UST: variants seen among roughly 807,000 people sequenced by gnomAD.
UST encodes chondroitin sulfate 2-O-sulfotransferase.
UST carries 21 observed loss-of-function variants against 45.6 expected under a neutral mutation model. The observed-to-expected ratio is 0.46, with a 90% CI of 0.33 to 0.66. UST has a LOEUF of 0.66. Among genes scored for constraint, UST ranks in the 30% least tolerant of loss-of-function variants. The probability of loss-of-function intolerance (pLI) is 0.02; values close to 1 mark genes in which losing one functional copy is unlikely to be tolerated. For missense variants in UST, 463 were observed against 512.4 expected (o/e 0.90, Z 0.93); for synonymous variants, 215 against 200.6 (o/e 1.07, Z -0.61).
chr6:148,747,177 G>A lies in UST; in HGVS notation c.-254G>A, dbSNP rs1775879296. ...GGCGTGGGGACGCTAGCGGGCGCCG[G>A]ACGGGCGCGGCGCCCCGTCACGGGC... is the stretch of plus-strand genomic sequence containing the variant. On this transcript the variant is annotated 5_prime_UTR_variant, in exon 1 of 8. Coordinates refer to ENST00000367463, the MANE Select transcript of UST (RefSeq NM_005715.3). Among the ~76,000 whole-genome samples the A allele has an allele frequency of 6.7e-6, 1 of 149,306 alleles. No homozygotes were observed. Among genetic ancestry groups the A allele is most frequent in the African/African-American group, 2.4e-5 (1 of 41,106 alleles).
chr6:149,029,465 T>TTATA (rs531007096), intron 7 of UST, among the ~76,000 whole-genome samples: 20 of 145,148 alleles, frequency 1.4e-4, no homozygotes, highest in Non-Finnish European at 3.0e-4. Context: ...ACATTATATA[T>TTATA]TATATATATA....
intron 1 of UST, among the ~76,000 whole-genome samples, chr6:148,793,387 A>G (rs1210907818): frequency 6.6e-6 from 1 of 152,230 alleles, no homozygotes; most frequent in South Asian, 2.1e-4. Flanking sequence ...GTTCACCTAT[A>G]TAACCCAAAC....
intron 1 of UST, among the ~76,000 whole-genome samples, chr6:148,844,353 G>A (rs1362599383): frequency 6.6e-6 from 1 of 152,204 alleles, no homozygotes; most frequent in Non-Finnish European, 1.5e-5. Context: ...CTTACAGTTA[G>A]TGAATTTCAA....
chr6:149,012,413 C>G (rs975346544), intron 5 of UST, among the ~76,000 whole-genome samples: 6 of 152,192 alleles, frequency 3.9e-5, no homozygotes, highest in Non-Finnish European at 8.8e-5. Flanking sequence ...AACTTGTACT[C>G]TGATTACCGT....
At chr6:148,806,727 C>G (rs1777156914) in intron 1 of UST, among the ~76,000 whole-genome samples, 3 of 152,140 alleles carry the variant, frequency 2.0e-5, no homozygotes, top group Admixed American at 2.0e-4. Context: ...CTGGGAAGTC[C>G]GAGATTGTGG....
chr6:148,906,277 A>G (rs181275814), intron 2 of UST, among the ~76,000 whole-genome samples: 1 of 152,328 alleles, frequency 6.6e-6, no homozygotes, highest in African/African-American at 2.4e-5. Flanking sequence ...CCCCTTGGCC[A>G]AAAAGAATAT....
chr6:149,007,215 G>T (rs1775730699), intron 5 of UST, among the ~76,000 whole-genome samples: 1 of 143,162 alleles, frequency 7.0e-6, no homozygotes, highest in African/African-American at 2.6e-5. Flanking sequence ...CACCTCCCAG[G>T]TTCAAGCGAT....
chr6:149,025,184 G>GA, intron 7 of UST, among the ~76,000 whole-genome samples: 1 of 152,268 alleles, frequency 6.6e-6, no homozygotes, highest in South Asian at 2.1e-4. Flanking sequence ...TCACCATTTA[G>GA]ACAGGTTAAT....
intron 7 of UST, among the ~76,000 whole-genome samples, chr6:149,047,900 A>G (rs566519201): frequency 1.3e-5 from 2 of 152,238 alleles, no homozygotes; most frequent in African/African-American, 2.4e-5. Context: ...AAAATACTAG[A>G]AAGCTCTTGG....
intron 1 of UST, among the ~76,000 whole-genome samples, chr6:148,769,963 G>A (rs1776391409): frequency 6.6e-6 from 1 of 151,620 alleles, no homozygotes; most frequent in East Asian, 1.9e-4. Context: ...TTCTTTCAAA[G>A]GACTAGATAA....
intron 7 of UST, among the ~76,000 whole-genome samples, chr6:149,059,230 T>C (rs1412183800): frequency 6.6e-6 from 1 of 152,166 alleles, no homozygotes; most frequent in Non-Finnish European, 1.5e-5. Context: ...CATGTTCAAG[T>C]CTAGGCATTA....
chr6:148,869,992 C>G (rs1311861486), intron 1 of UST, among the ~76,000 whole-genome samples: 4 of 152,022 alleles, frequency 2.6e-5, no homozygotes, highest in Non-Finnish European at 5.9e-5. Context: ...GACCCATAAC[C>G]CAGCAAGAAT....
At chr6:148,802,000 G>T (rs1383972166) in intron 1 of UST, among the ~76,000 whole-genome samples, 1 of 152,202 alleles carries the variant, frequency 6.6e-6, no homozygotes, top group African/African-American at 2.4e-5. Flanking sequence ...TGTAAAGGGA[G>T]AGGGTGCATA....
chr6:148,781,683 C>T (rs1776646623), intron 1 of UST, among the ~76,000 whole-genome samples: 1 of 152,100 alleles, frequency 6.6e-6, no homozygotes, highest in Non-Finnish European at 1.5e-5. Context: ...AGAGGAGAAC[C>T]CGGTACCTGG....
At chr6:148,966,618 G>C (rs974415081) in intron 5 of UST, among the ~76,000 whole-genome samples, 16 of 152,196 alleles carry the variant, frequency 1.1e-4, no homozygotes, top group Admixed American at 4.6e-4. Context: ...TTGCCATCCT[G>C]TAAATCATTT....
chr6:149,062,432 T>A (rs1339831973), intron 7 of UST, among the ~76,000 whole-genome samples: 1 of 152,194 alleles, frequency 6.6e-6, no homozygotes, highest in African/African-American at 2.4e-5. Flanking sequence ...AACAAACATT[T>A]ATGGAGGGTG....
At chr6:148,794,013 A>G (rs1379448853) in intron 1 of UST, among the ~76,000 whole-genome samples, 3 of 152,166 alleles carry the variant, frequency 2.0e-5, no homozygotes, top group African/African-American at 4.8e-5. Flanking sequence ...ACTGATTTGT[A>G]TGGTATGTTT....
At chr6:148,971,570 A>G (rs1780920395) in intron 5 of UST, among the ~76,000 whole-genome samples, 1 of 152,162 alleles carries the variant, frequency 6.6e-6, no homozygotes, top group Non-Finnish European at 1.5e-5. Context: ...TGGTTGAGCT[A>G]TATCTGAAGG....
Position 148,796,623 on chromosome 6 carries a change from C to CAAAAA in UST, c.247+48966_247+48970dup, listed in dbSNP as rs11465084. On this transcript the variant is annotated intron_variant, in intron 1 of 7. Transcript: ENST00000367463. The stretch of plus-strand genomic sequence containing the variant: ...TGGACGACAGGGCAAGACTCTGTCT[C>CAAAAA]AAAAAAAAAAAAAAAAAAAAAAAAG... 7.7e-3 allele frequency among the ~76,000 whole-genome samples: 681 copies of CAAAAA among 88,656 alleles called. 29 individuals carry two copies. The highest frequency in any genetic ancestry group is 0.015 in the Middle Eastern group (2 of 132). 58.2% of individuals were successfully genotyped at this position (88,656 alleles called of 152,430 possible).
Sources: gnomAD v4.1 joint callset for allele counts (sites outside exome capture counted in the v4.1 genomes callset) on GRCh38, gnomAD v4.1.1 for gene constraint, MANE v1.5 for transcripts, NCBI Gene and HGNC (gene_info 2026-07-23, HGNC 2026-07-21) for gene names.